FANCM: variants seen among roughly 807,000 people sequenced by gnomAD.
FANCM encodes the protein Fanconi anemia group M protein.
Under a neutral mutation model 199.5 loss-of-function variants are expected in FANCM, and 140 were observed. The observed-to-expected ratio is 0.70, with a 90% CI of 0.61 to 0.81. The LOEUF (loss-of-function observed/expected upper bound fraction) is 0.81, where lower values mean the gene tolerates loss of function less well. Among genes scored for constraint, FANCM ranks in the 30% least tolerant of loss-of-function variants. FANCM has a pLI of 0.00. For missense variants in FANCM, 2,410 were observed against 2,421.4 expected (o/e 1.00, Z 0.10); for synonymous variants, 840 against 836.8 (o/e 1.00, Z -0.07).
chr14:45,176,533 A>C lies in FANCM; in HGVS notation c.3779A>C (p.Tyr1260Ser). ...AGCAATAGACCTCTAGATGATCTAT[A>C]TGGAAGGTATTTGGAAATTAAGGAG... ...SDSNRPLDDL[Y>S]GRYLEIKEIS... Residue 1260 changes from tyrosine to serine, a missense_variant, in exon 14 of 23, where the codon TAT (tyrosine) becomes TCT (serine). Tyr to Ser is a moderately radical substitution (Grantham distance 144). Coordinates refer to ENST00000267430, the MANE Select transcript of FANCM (RefSeq NM_020937.4). The C allele has an allele frequency of 6.2e-7, 1 of 1,601,160 alleles. No individual in the cohort carries two copies. The highest frequency in any genetic ancestry group is 8.5e-7 in the Non-Finnish European group (1 of 1,173,430).
chr14:45,198,018 C>T (rs1890163563), intron 21 of FANCM, among the ~76,000 whole-genome samples: 1 of 150,160 alleles, frequency 6.7e-6, no homozygotes, highest in South Asian at 2.2e-4. Flanking sequence ...CTTCCTGCCT[C>T]AGCCTCCCAA....
At chr14:45,183,160 C>G (rs544323118) in intron 16 of FANCM, among the ~76,000 whole-genome samples, 96 of 152,282 alleles carry the variant, frequency 6.3e-4, no homozygotes, top group Middle Eastern at 3.4e-3. Context: ...GCTACCTTAA[C>G]TAGAACATCT....
intron 4 of FANCM, among the ~76,000 whole-genome samples, 157 bp from the exon 5 acceptor site, chr14:45,151,237 CAAG>C (rs1338608658): frequency 3.9e-5 from 6 of 152,160 alleles, no homozygotes; most frequent in Non-Finnish European, 7.4e-5. Context: ...GGATAGATGT[CAAG>C]TAGTTTTAAA....
chr14:45,176,865 C>G lies in FANCM; in HGVS notation c.4111C>G (p.Gln1371Glu). Residue 1371 changes from glutamine to glutamate, a missense_variant, in exon 14 of 23, where the codon CAA becomes GAA. By Grantham distance (29) the Gln-to-Glu change is conservative. Coordinates refer to ENST00000267430, the MANE Select transcript of FANCM (RefSeq NM_020937.4). Reference sequence around the variant, plus strand: ...TTCTAGTAAGGAAAAAGTAAACCTACAAAGATTCAAAGAAGCATTGAATTC... The same window carrying G: ...TTCTAGTAAGGAAAAAGTAAACCTAGAAAGATTCAAAGAAGCATTGAATTC... ...PDSSKEKVNL[Q>E]RFKEALNSTF... 1 of 1,607,668 alleles carries G rather than the reference C, an allele frequency of 6.2e-7. No individual in the cohort carries two copies. The highest frequency in any genetic ancestry group is 1.1e-5 in the South Asian group (1 of 90,292).
chr14:45,157,716 G>A (rs1033311092), intron 8 of FANCM, among the ~76,000 whole-genome samples: 3 of 152,154 alleles, frequency 2.0e-5, no homozygotes, highest in African/African-American at 7.2e-5. Flanking sequence ...TTCAAAAGAA[G>A]TTTGTTTAGA....
chr14:45,146,738 C>T (rs1886414671), intron 3 of FANCM, among the ~76,000 whole-genome samples: 1 of 148,886 alleles, frequency 6.7e-6, no homozygotes, highest in Non-Finnish European at 1.5e-5. Context: ...GAGGCTGAGG[C>T]GCAAGAATGG....
chr14:45,151,621 C>T, intron 5 of FANCM, 93 bp downstream of exon 5: 1 of 1,173,114 alleles, frequency 8.5e-7, no homozygotes, highest in Non-Finnish European at 1.3e-6. Flanking sequence ...TACCTATTAG[C>T]TCATCAATAA....
chr14:45,162,032 A>G (rs1373657938), intron 9 of FANCM, among the ~76,000 whole-genome samples: 1 of 152,190 alleles, frequency 6.6e-6, no homozygotes, highest in Non-Finnish European at 1.5e-5. Flanking sequence ...TGACTGTAGG[A>G]TGACTCCAAG....
At chr14:45,169,088 A>G (rs1888171972) in intron 11 of FANCM, among the ~76,000 whole-genome samples, 1 of 151,424 alleles carries the variant, frequency 6.6e-6, no homozygotes, top group Non-Finnish European at 1.5e-5. Flanking sequence ...CACCTGGCTC[A>G]TTTTTACGTT....
intron 1 of FANCM, 100 bp downstream of exon 1, chr14:45,136,639 T>C: frequency 8.5e-7 from 1 of 1,177,060 alleles, no homozygotes; most frequent in Non-Finnish European, 1.2e-6. Flanking sequence ...GCCCTCCCTC[T>C]TAAAACATTC....
chr14:45,170,735 G>C lies in FANCM; in HGVS notation c.2149G>C (p.Glu717Gln), dbSNP rs1338871767. Residue 717 changes from glutamate to glutamine, a missense_variant, in exon 12 of 23, where the codon GAA (glutamate) becomes CAA (glutamine). Physicochemically the swap from Glu to Gln is conservative, Grantham distance 29 (BLOSUM62 2). Transcript: ENST00000267430. ...QVQFSSLQNE[E>Q]NKPAQESTTG... ...TCAGTTTTCTTCTTTACAAAATGAG[G>C]AAAACAAACCAGTAAGTTGAATATA... 1 of 1,610,842 alleles carries C rather than the reference G, an allele frequency of 6.2e-7. No homozygotes were observed. Among genetic ancestry groups the C allele is most frequent in the Admixed American group, 1.7e-5 (1 of 59,936 alleles).
chr14:45,179,719 G>T (rs1325805750), intron 14 of FANCM, among the ~76,000 whole-genome samples: 1 of 151,622 alleles, frequency 6.6e-6, no homozygotes, highest in East Asian at 1.9e-4. Flanking sequence ...CTGCCACCAC[G>T]CCCGACTAAT....
chr14:45,190,623 T>C lies in FANCM; in HGVS notation c.5340+1261T>C, dbSNP rs1211645100. On this transcript the variant is annotated intron_variant, in intron 20 of 22. Coordinates refer to ENST00000267430, the MANE Select transcript of FANCM (RefSeq NM_020937.4). ...TCTGCTCTCTGCTTCTACTTCTCTT[T>C]ATCCCCAAGGTGTTTCATCACACTC... Among the ~76,000 whole-genome samples the C allele has an allele frequency of 2.0e-5, 3 of 152,280 alleles. No individual in the cohort carries two copies. In the East Asian group the frequency reaches 5.8e-4, roughly 29 times the overall value.
At chr14:45,165,292 T>C (rs1404709063) in intron 10 of FANCM, among the ~76,000 whole-genome samples, 1 of 152,202 alleles carries the variant, frequency 6.6e-6, no homozygotes. Flanking sequence ...ACATGGTGGC[T>C]CACGCCTGTA....
chr14:45,175,797 A>G lies in FANCM; in HGVS notation c.3043A>G (p.Thr1015Ala), dbSNP rs1202331845. 1.9e-6 allele frequency: 3 copies of G among 1,613,794 alleles called. No individual in the cohort carries two copies. The highest frequency in any genetic ancestry group is 2.5e-6 in the Non-Finnish European group (3 of 1,179,892). ...SDLEYEIAKG[T>A]ALENLLFLPC... Reference sequence around the variant, plus strand: ...CTTGGAATATGAAATTGCTAAGGGTACTGCACTTGAGAATTTGCTTTTCTT... The same window carrying G: ...CTTGGAATATGAAATTGCTAAGGGTGCTGCACTTGAGAATTTGCTTTTCTT... The change falls in exon 14 of 23, where the codon ACT becomes GCT. Residue 1015 changes from threonine (T) to alanine (A), a missense_variant. Transcript: ENST00000267430.
intron 14 of FANCM, among the ~76,000 whole-genome samples, chr14:45,178,755 G>A (rs1888869757): frequency 6.6e-6 from 1 of 152,186 alleles, no homozygotes; most frequent in Non-Finnish European, 1.5e-5. Context: ...CAGAATGTGA[G>A]GAGAAATTTA....
At chr14:45,154,310 A>T (rs1887031963) in intron 6 of FANCM, among the ~76,000 whole-genome samples, 1 of 151,412 alleles carries the variant, frequency 6.6e-6, no homozygotes. Context: ...CTGAGGCGGG[A>T]GAATCGCTTG....
intron 8 of FANCM, among the ~76,000 whole-genome samples, chr14:45,156,431 A>T (rs373492367): frequency 6.6e-6 from 1 of 152,160 alleles, no homozygotes; most frequent in Non-Finnish European, 1.5e-5. Flanking sequence ...TTTAAGGATC[A>T]CTCTGGTAGT....
chr14:45,155,141 C>T (rs1015354205), intron 7 of FANCM, among the ~76,000 whole-genome samples: 3 of 151,922 alleles, frequency 2.0e-5, no homozygotes, highest in Non-Finnish European at 4.4e-5. Flanking sequence ...TTTTTGCTTT[C>T]TTTGCTACTG....
Sources: allele counts gnomAD v4.1 joint callset (sites outside exome capture counted in the v4.1 genomes callset), GRCh38; gene constraint gnomAD v4.1.1; transcripts MANE v1.5; gene names NCBI Gene and HGNC (gene_info 2026-07-23, HGNC 2026-07-21).